ATP6V0E1: variants seen among roughly 807,000 people sequenced by gnomAD.
The protein encoded by ATP6V0E1 is ATPase H+ transporting V0 subunit e1.
In ATP6V0E1, 4 loss-of-function variants were observed where a neutral mutation model predicts 11.6. The ratio of observed to expected loss-of-function variants is 0.35; its 90% CI spans 0.17 to 0.79. ATP6V0E1 has a LOEUF of 0.79. Among genes scored for constraint, ATP6V0E1 ranks in the 30% least tolerant of loss-of-function variants. ATP6V0E1 has a pLI of 0.54. For missense variants in ATP6V0E1, 105 were observed against 100.0 expected (o/e 1.05, Z -0.21); for synonymous variants, 36 against 34.8 (o/e 1.04, Z -0.13).
intron 1 of ATP6V0E1, among the ~76,000 whole-genome samples, chr5:172,985,259 A>G (rs1009403052): frequency 2.1e-4 from 32 of 152,048 alleles, no homozygotes; most frequent in East Asian, 9.7e-4. Flanking sequence ...AAAAAAAAAA[A>G]AAAGAAAGAA....
At chr5:173,027,601 C>T (rs1756583637) in intron 3 of ATP6V0E1, among the ~76,000 whole-genome samples, 3 of 151,340 alleles carry the variant, frequency 2.0e-5, no homozygotes, top group South Asian at 2.1e-4. Context: ...TATGTTTATA[C>T]GTACGTGTGG....
intron 2 of ATP6V0E1, among the ~76,000 whole-genome samples, chr5:173,004,405 C>T (rs1297361602): frequency 6.6e-6 from 1 of 152,016 alleles, no homozygotes; most frequent in African/African-American, 2.4e-5. Flanking sequence ...CTTCAGAGAG[C>T]CTGGTGAGAA....
chr5:172,992,617 A>G (rs910464580), intron 1 of ATP6V0E1, among the ~76,000 whole-genome samples: 13 of 151,872 alleles, frequency 8.6e-5, no homozygotes, highest in African/African-American at 2.7e-4. Context: ...TAAAATTGCA[A>G]CCACAATCTC....
At chr5:172,989,673 T>C (rs1452788975) in intron 1 of ATP6V0E1, among the ~76,000 whole-genome samples, 1 of 151,992 alleles carries the variant, frequency 6.6e-6, no homozygotes, top group Non-Finnish European at 1.5e-5. Flanking sequence ...ATTACAGGCA[T>C]GGGCCACCAT....
chr5:173,031,111 A>G (rs1414878978), intron 3 of ATP6V0E1, among the ~76,000 whole-genome samples: 22 of 151,636 alleles, frequency 1.5e-4, no homozygotes, highest in African/African-American at 4.9e-5. Flanking sequence ...TACCTGGCTA[A>G]TTTTTTGTAT....
At chr5:173,017,938 T>C (rs1268354047) in intron 2 of ATP6V0E1, among the ~76,000 whole-genome samples, 7 of 151,794 alleles carry the variant, frequency 4.6e-5, no homozygotes, top group South Asian at 4.2e-4. Context: ...AATTTCACTC[T>C]CCCAGATTGG....
Position 173,035,419 on chromosome 5 carries a change from A to G in ATP6V0E1, c.*1057A>G, listed in dbSNP as rs1756729902. On this transcript the variant is annotated 3_prime_UTR_variant, in exon 4 of 4. Transcript: ENST00000519374. ...AGAGCTTTATTACTTTTAAGAAATT[A>G]AAAATTAAAATGAACCTAAATTTTC... 1 of 152,244 alleles carries G rather than the reference A, an allele frequency of 6.6e-6. No individual in the cohort carries two copies. Among genetic ancestry groups the G allele is most frequent in the African/African-American group, 2.4e-5 (1 of 41,466 alleles). The allele number at this position is 152,244 out of a possible 1,614,324, so 9.4% of individuals were successfully genotyped here. A position where few individuals can be genotyped will look rare whatever the true frequency, so the allele number is the denominator to read the frequency against.
At chr5:172,999,557 G>A (rs1756121199) in intron 2 of ATP6V0E1, among the ~76,000 whole-genome samples, 1 of 152,198 alleles carries the variant, frequency 6.6e-6, no homozygotes, top group Admixed American at 6.6e-5. Context: ...GAACTCCTGA[G>A]CTCAAGCAGT....
chr5:172,988,683 A>G (rs1370120453), intron 1 of ATP6V0E1, among the ~76,000 whole-genome samples: 2 of 152,162 alleles, frequency 1.3e-5, no homozygotes, highest in Non-Finnish European at 2.9e-5. Flanking sequence ...AGTGCTTCAC[A>G]CTATGGTGAG....
At chr5:172,985,841 A>C (rs1755889226) in intron 1 of ATP6V0E1, among the ~76,000 whole-genome samples, 1 of 152,208 alleles carries the variant, frequency 6.6e-6, no homozygotes, top group South Asian at 2.1e-4. Context: ...ATGTTTGAGA[A>C]ATGTGTTAGT....
At chr5:172,998,333 G>T (rs1466347583) in intron 2 of ATP6V0E1, among the ~76,000 whole-genome samples, 1 of 149,996 alleles carries the variant, frequency 6.7e-6, no homozygotes, top group Non-Finnish European at 1.5e-5. Context: ...GAAGCCTGGT[G>T]TGGTGGCTCA....
intron 2 of ATP6V0E1, among the ~76,000 whole-genome samples, chr5:173,008,596 G>C (rs1433285517): frequency 7.1e-6 from 1 of 140,490 alleles, no homozygotes; most frequent in Non-Finnish European, 1.5e-5. Context: ...ACCGTGCCCA[G>C]CCGAGTCCTT....
chr5:173,014,912 A>C (rs781742727), intron 2 of ATP6V0E1, among the ~76,000 whole-genome samples: 3 of 152,226 alleles, frequency 2.0e-5, no homozygotes, highest in Non-Finnish European at 4.4e-5. Context: ...AATGATACCA[A>C]CACAGAGAAA....
At chr5:172,992,882 C>T (rs1333906622) in intron 1 of ATP6V0E1, among the ~76,000 whole-genome samples, 1 of 152,110 alleles carries the variant, frequency 6.6e-6, no homozygotes, top group Non-Finnish European at 1.5e-5. Context: ...ACTGCAACGT[C>T]TGCCTCCCAA....
intron 2 of ATP6V0E1, among the ~76,000 whole-genome samples, chr5:173,004,262 C>T (rs1756197606): frequency 1.3e-5 from 2 of 152,150 alleles, no homozygotes; most frequent in South Asian, 2.1e-4. Flanking sequence ...TGCAGTTGCA[C>T]TTCTTTAGAG....
At chr5:173,024,430 A>T in intron 3 of ATP6V0E1, among the ~76,000 whole-genome samples, 1 of 152,036 alleles carries the variant, frequency 6.6e-6, no homozygotes. Flanking sequence ...GAACCTGTTT[A>T]GGATGGCTTC....
intron 1 of ATP6V0E1, among the ~76,000 whole-genome samples, chr5:172,987,432 C>T (rs1467810259): frequency 2.0e-5 from 3 of 151,874 alleles, no homozygotes; most frequent in Non-Finnish European, 4.4e-5. Flanking sequence ...TACAGGTGCC[C>T]ACCACCATGC....
At position 173,034,659 on chromosome 5, in the gene ATP6V0E1, A is replaced by T; in HGVS notation, c.*297A>T. The T allele has an allele frequency of 1.9e-6, 1 of 519,060 alleles. No homozygotes were observed. Among genetic ancestry groups the T allele is most frequent in the Non-Finnish European group, 3.5e-6 (1 of 287,240 alleles). The allele number at this position is 519,060 out of a possible 1,614,324, so 32.2% of individuals were successfully genotyped here. On this transcript the variant is annotated 3_prime_UTR_variant, in exon 4 of 4. Coordinates refer to ENST00000519374, the MANE Select transcript of ATP6V0E1 (RefSeq NM_003945.4). ...ATGCTGTTCTTCTGAGAGATACGTT[A>T]CTCTCTCCTTGGAATCTGTGGATTT...
intron 3 of ATP6V0E1, chr5:173,021,055 G>A (rs1383740567): frequency 5.1e-6 from 2 of 391,652 alleles, no homozygotes; most frequent in East Asian, 1.4e-4. Context: ...TCTGCAGGCT[G>A]TATAAACATG....
Sources: gnomAD v4.1 joint callset for allele counts (sites outside exome capture counted in the v4.1 genomes callset) on GRCh38, gnomAD v4.1.1 for gene constraint, MANE v1.5 for transcripts, NCBI Gene and HGNC (gene_info 2026-07-23, HGNC 2026-07-21) for gene names.